Variants in BCL7C observed in about 807,000 individuals in gnomAD.
BCL7C encodes the protein B-cell CLL/lymphoma 7 protein family member C.
BCL7C carries 8 observed loss-of-function variants against 26.2 expected under a neutral mutation model. That is an observed-to-expected ratio of 0.30 (90% CI 0.18 to 0.55). The LOEUF (loss-of-function observed/expected upper bound fraction) is 0.55, where lower values mean the gene tolerates loss of function less well. Ranked by LOEUF, BCL7C falls within the 20% of genes least tolerant of loss-of-function variation. The pLI, the probability that BCL7C is intolerant of heterozygous loss-of-function variation, is 0.93. For synonymous variants in BCL7C, 90 were observed against 116.5 expected (o/e 0.77, Z 1.47); for missense variants, 262 against 298.5 (o/e 0.88, Z 0.90).
downstream of BCL7C, chr16:30,887,691 G>A: frequency 9.1e-7 from 1 of 1,100,430 alleles, no homozygotes; most frequent in Non-Finnish European, 1.2e-6. Context: ...CTACAGGAAG[G>A]TCCTCTCAGA....
downstream of BCL7C, among the ~76,000 whole-genome samples, chr16:30,887,417 CAGTGAGCCATG>C: frequency 6.8e-6 from 1 of 146,238 alleles, no homozygotes; most frequent in South Asian, 2.1e-4. Flanking sequence ...GTCAAGGCTG[CAGTGAGCCATG>C]ATCGCACCAC....
At chr16:30,887,601 G>A (rs567368266), downstream of BCL7C, among the ~76,000 whole-genome samples, 7 of 152,164 alleles carry the variant, frequency 4.6e-5, no homozygotes, top group African/African-American at 1.4e-4. Flanking sequence ...GGTGAAGGTC[G>A]GGAGATAGGA....
intron 5 of BCL7C, among the ~76,000 whole-genome samples, chr16:30,871,097 G>A (rs2054878776): frequency 6.6e-6 from 1 of 152,184 alleles, no homozygotes; most frequent in South Asian, 2.1e-4. Context: ...ACTGGGCAGG[G>A]GGAAAGGTGT....
intron 5 of BCL7C, among the ~76,000 whole-genome samples, chr16:30,849,062 C>T (rs1420984597): frequency 1.3e-5 from 2 of 151,782 alleles, no homozygotes; most frequent in Non-Finnish European, 2.9e-5. Context: ...TGGTGGGCGC[C>T]TGTAGTCCCA....
At chr16:30,870,598 C>T (rs1426073945) in intron 5 of BCL7C, among the ~76,000 whole-genome samples, 1 of 152,040 alleles carries the variant, frequency 6.6e-6, no homozygotes, top group Non-Finnish European at 1.5e-5. Context: ...TCGCTTGAGC[C>T]CAGGAGTTGG....
At chr16:30,838,780 G>A (rs967026147) in intron 5 of BCL7C, among the ~76,000 whole-genome samples, 5 of 152,122 alleles carry the variant, frequency 3.3e-5, no homozygotes, top group Non-Finnish European at 5.9e-5. Flanking sequence ...GCGAGACTCC[G>A]TCTCAAACAA....
At chr16:30,857,546 T>A (rs1388111652) in intron 5 of BCL7C, among the ~76,000 whole-genome samples, 2 of 152,082 alleles carry the variant, frequency 1.3e-5, no homozygotes, top group Non-Finnish European at 2.9e-5. Flanking sequence ...TTCTCACAGG[T>A]CTCTTAGTTG....
At chr16:30,890,162 G>A (rs1026694796) in intron 4 of BCL7C, among the ~76,000 whole-genome samples, 1 of 151,890 alleles carries the variant, frequency 6.6e-6, no homozygotes, top group African/African-American at 2.4e-5. Flanking sequence ...TTGGGAGGCC[G>A]AGGCAGGTGG....
In BCL7C at chr16:30,849,181, C is replaced by T. The variant is rs544425407; in HGVS notation, c.529-14033G>A. Among the ~76,000 whole-genome samples, 5 of 149,360 alleles carry T rather than the reference C, an allele frequency of 3.3e-5. No homozygotes were observed. The South Asian group carries it at 6.4e-4, about 19-fold the overall frequency. On this transcript the variant is annotated intron_variant, in intron 5 of 5. Coordinates refer to the BCL7C transcript ENST00000380317. ...CAGCCTGGGGGACAGAGCAAGACTCCGTCTCAAAAAAAAAAAAAGAAAAAG... is the reference window on the plus strand; with the variant it reads ...CAGCCTGGGGGACAGAGCAAGACTCTGTCTCAAAAAAAAAAAAAGAAAAAG...
intron 5 of BCL7C, among the ~76,000 whole-genome samples, chr16:30,861,212 T>C (rs2054769225): frequency 1.3e-5 from 2 of 152,192 alleles, no homozygotes; most frequent in Admixed American, 6.5e-5. Context: ...AATTAGATTC[T>C]GGCCGTCAAA....
chr16:30,841,659 A>G (rs1425084985), intron 5 of BCL7C, among the ~76,000 whole-genome samples: 1 of 152,162 alleles, frequency 6.6e-6, no homozygotes, highest in African/African-American at 2.4e-5. Flanking sequence ...GGGCTGTGTA[A>G]AGCTCAGGGC....
chr16:30,876,733 C>G (rs1434523127), intron 5 of BCL7C, among the ~76,000 whole-genome samples: 1 of 152,126 alleles, frequency 6.6e-6, no homozygotes, highest in Non-Finnish European at 1.5e-5. Context: ...GAAAGGGCTT[C>G]ACAGACAGAG....
intron 5 of BCL7C, among the ~76,000 whole-genome samples, chr16:30,835,782 G>T (rs893341785): frequency 2.0e-5 from 3 of 151,902 alleles, no homozygotes; most frequent in Non-Finnish European, 4.4e-5. Context: ...GTAGACAGAG[G>T]TTGCAGTGAG....
chr16:30,842,049 G>A (rs2054606004), intron 5 of BCL7C, among the ~76,000 whole-genome samples: 1 of 143,358 alleles, frequency 7.0e-6, no homozygotes, highest in Non-Finnish European at 1.5e-5. Flanking sequence ...TTCTGTCTTT[G>A]TCTTTTATTC....
At chr16:30,881,030 A>G (rs1287723012) in intron 5 of BCL7C, among the ~76,000 whole-genome samples, 4 of 152,122 alleles carry the variant, frequency 2.6e-5, no homozygotes, top group African/African-American at 9.7e-5. Context: ...ACACCTATGC[A>G]TTTTACTATA....
At chr16:30,841,446 TCACACTGCG>T (rs1253434918) in intron 5 of BCL7C, among the ~76,000 whole-genome samples, 2 of 152,120 alleles carry the variant, frequency 1.3e-5, no homozygotes, top group Admixed American at 1.3e-4. Context: ...GTAAGCAAAC[TCACACTGCG>T]CCTGCTGCCA....
At chr16:30,887,320 GATAA>G (rs796911153), downstream of BCL7C, among the ~76,000 whole-genome samples, 101 of 151,278 alleles carry the variant, frequency 6.7e-4, 1 homozygote, top group African/African-American at 1.9e-3. Flanking sequence ...AAAAAATAGT[GATAA>G]ATAAATAAAT....
intron 5 of BCL7C, among the ~76,000 whole-genome samples, chr16:30,882,130 C>G (rs8050107): frequency 6.6e-6 from 1 of 151,808 alleles, no homozygotes; most frequent in Non-Finnish European, 1.5e-5. Context: ...CTGGCTAATT[C>G]TATTGTATTT....
intron 5 of BCL7C, among the ~76,000 whole-genome samples, chr16:30,839,224 G>A (rs1427056106): frequency 6.6e-6 from 1 of 152,240 alleles, no homozygotes; most frequent in Non-Finnish European, 1.5e-5. Flanking sequence ...CCGAAGAGCT[G>A]ACTGTGGCCT....
Sources: allele counts gnomAD v4.1 joint callset (sites outside exome capture counted in the v4.1 genomes callset), GRCh38; gene constraint gnomAD v4.1.1; transcripts MANE v1.5; gene names NCBI Gene and HGNC (gene_info 2026-07-23, HGNC 2026-07-21).